The following TRAP1 variants were observed in gnomAD, a reference collection of about 807,000 sequenced individuals.
The protein encoded by TRAP1 is heat shock protein 75 kDa, mitochondrial.
Under a neutral mutation model 89.1 loss-of-function variants are expected in TRAP1, and 102 were observed. The observed-to-expected ratio is 1.15, with a 90% confidence interval of 0.98 to 1.35. The LOEUF is 1.35. TRAP1 is among the 40% of genes most tolerant of loss of function. The probability of loss-of-function intolerance (pLI) is 0.00; values close to 1 mark genes in which losing one functional copy is unlikely to be tolerated. For missense variants in TRAP1, 1,256 were observed against 945.3 expected, an observed-to-expected ratio of 1.33 and a Z score of -4.31; for synonymous variants, 508 against 388.0, an observed-to-expected ratio of 1.31 and a Z score of -3.64.
intron 11 of TRAP1, among the ~76,000 whole-genome samples, chr16:3,669,554 G>T (rs2050882344): frequency 6.6e-6 from 1 of 152,078 alleles, no homozygotes; most frequent in African/African-American, 2.4e-5. Context: ...TTCAGAACAG[G>T]CCAGGCGCGG....
At chr16:3,700,625 C>G (rs2051352869) in intron 1 of TRAP1, among the ~76,000 whole-genome samples, 1 of 151,956 alleles carries the variant, frequency 6.6e-6, no homozygotes, top group Non-Finnish European at 1.5e-5. Flanking sequence ...ATCACCACGC[C>G]AGGCTAATTT....
At chr16:3,669,780 C>G (rs1482853587) in intron 11 of TRAP1, among the ~76,000 whole-genome samples, 1 of 144,824 alleles carries the variant, frequency 6.9e-6, no homozygotes, top group Non-Finnish European at 1.5e-5. Context: ...TTGCAGTGAG[C>G]CGAGATCGTG....
chr16:3,680,681 A>G (rs570433018), intron 4 of TRAP1, among the ~76,000 whole-genome samples: 4 of 152,260 alleles, frequency 2.6e-5, no homozygotes, highest in Admixed American at 6.5e-5. Flanking sequence ...CCAAATCCAT[A>G]TATTAAGACC....
At chr16:3,662,520 C>T (rs1258467392) in intron 15 of TRAP1, 2 of 527,332 alleles carry the variant, frequency 3.8e-6, no homozygotes, top group Non-Finnish European at 7.1e-6. Flanking sequence ...TGAAGCCCAC[C>T]CAAAACCCCC....
intron 1 of TRAP1, among the ~76,000 whole-genome samples, chr16:3,712,285 C>CAA (rs764259574): frequency 0.018 from 576 of 32,076 alleles, 60 homozygotes; most frequent in East Asian, 0.026. Context: ...GAATCTGTCT[C>CAA]AAAAAAAAAA....
chr16:3,709,461 T>G (rs2051497227), intron 1 of TRAP1, among the ~76,000 whole-genome samples: 1 of 152,208 alleles, frequency 6.6e-6, no homozygotes, highest in Admixed American at 6.6e-5. Flanking sequence ...CAATGCCGTC[T>G]GTTATCTTGG....
rs560291919 is a variant in TRAP1 at position 3,665,906 on chromosome 16, C to T, written c.1383+65G>A. ...TCGCCACATCAGGGGACACCTCCACCAGCTTCCTCAGCAGCCCCAGGGACA... is the reference window on the plus strand; with the variant it reads ...TCGCCACATCAGGGGACACCTCCACTAGCTTCCTCAGCAGCCCCAGGGACA... On this transcript the variant is annotated intron_variant, in intron 12 of 17. Coordinates refer to ENST00000246957, the MANE Select transcript of TRAP1 (RefSeq NM_016292.3). 3.1e-5 allele frequency: 49 copies of T among 1,563,186 alleles called. No individual in the cohort carries two copies. In the Middle Eastern group the frequency reaches 1.3e-3, roughly 41 times the overall value.
rs1043108054 is a variant in TRAP1 at position 3,664,309 on chromosome 16, G to A, written c.1534C>T (p.Pro512Ser). 2 of 1,610,782 alleles carry A rather than the reference G, an allele frequency of 1.2e-6. No individual in the cohort carries two copies. Among genetic ancestry groups the A allele is most frequent in the Non-Finnish European group, 1.7e-6 (2 of 1,179,054 alleles). The stretch of plus-strand genomic sequence containing the variant: ...TTCTTCTTCATGGCCTCATAGTAGG[G>A]TGAGTGCTCTGCCAGGTGACGGTTG... ...APNRHLAEHS[P>S]YYEAMKKKDT... The change falls in exon 13 of 18, where the codon CCC (proline) becomes TCC (serine). Residue 512 changes from proline (P) to serine (S), a missense_variant. Transcript: ENST00000246957.
chr16:3,711,837 A>G (rs2151286056), intron 1 of TRAP1, among the ~76,000 whole-genome samples: 1 of 152,310 alleles, frequency 6.6e-6, no homozygotes, highest in South Asian at 2.1e-4. Flanking sequence ...AGTAGAAGGC[A>G]GGTCTTCAGT....
chr16:3,683,551 A>G (rs1482122192), intron 4 of TRAP1, among the ~76,000 whole-genome samples: 1 of 151,636 alleles, frequency 6.6e-6, no homozygotes, highest in African/African-American at 2.4e-5. Context: ...ACATCTGGCT[A>G]ATTTTTGTAT....
At chr16:3,709,654 TTGTG>T (rs538895435) in intron 1 of TRAP1, among the ~76,000 whole-genome samples, 1 of 151,898 alleles carries the variant, frequency 6.6e-6, no homozygotes, top group African/African-American at 2.4e-5. Context: ...TCCCTTTTTT[TTGTG>T]TGTGTGTGTG....
chr16:3,683,909 T>G (rs2051105445), intron 4 of TRAP1, among the ~76,000 whole-genome samples: 1 of 152,162 alleles, frequency 6.6e-6, no homozygotes, highest in South Asian at 2.1e-4. Context: ...CTCCCGCCTG[T>G]AATCCCAGCA....
intron 1 of TRAP1, among the ~76,000 whole-genome samples, chr16:3,691,288 C>T (rs1167710302): frequency 6.6e-6 from 1 of 152,212 alleles, no homozygotes; most frequent in Non-Finnish European, 1.5e-5. Flanking sequence ...GCGATCACAG[C>T]TCACTGCAGC....
intron 1 of TRAP1, among the ~76,000 whole-genome samples, chr16:3,694,995 G>C (rs2051267279): frequency 6.6e-6 from 1 of 152,118 alleles, no homozygotes; most frequent in South Asian, 2.1e-4. Context: ...TGCTTGGCTT[G>C]TGGGTGGTCA....
chr16:3,668,750 C>T (rs2050871320), intron 11 of TRAP1, among the ~76,000 whole-genome samples: 1 of 152,214 alleles, frequency 6.6e-6, no homozygotes. Flanking sequence ...AATGCAGCTC[C>T]CTTACTGAGC....
chr16:3,693,382 A>G (rs1334487520), intron 1 of TRAP1, among the ~76,000 whole-genome samples: 1 of 146,286 alleles, frequency 6.8e-6, no homozygotes, highest in African/African-American at 2.5e-5. Flanking sequence ...CTTTATTCGT[A>G]CAGTTAAAAA....
rs570751224 is a variant in TRAP1 at position 3,690,110 on chromosome 16, G to A, written c.247+717C>T. On this transcript the variant is annotated intron_variant, in intron 2 of 17. Coordinates refer to ENST00000246957, the MANE Select transcript of TRAP1 (RefSeq NM_016292.3). Reference sequence around the variant, plus strand: ...CAGCCTCAACTTCCTGGGCTCAACCGATTCTCCTGCCTCAGCCTCTCAAGT... The same window carrying A: ...CAGCCTCAACTTCCTGGGCTCAACCAATTCTCCTGCCTCAGCCTCTCAAGT... Among the ~76,000 whole-genome samples, 7 of 152,122 alleles carry A rather than the reference G, an allele frequency of 4.6e-5. No individual in the cohort carries two copies. The East Asian group carries it at 9.7e-4, about 21-fold the overall frequency.
rs775141873 is a variant in TRAP1, at chr16:3,664,432, C to T, written c.1411G>A (p.Glu471Lys). ...TGCCCGGAGGGCAGCGCCGAGGACT[C>T]GTAGCGCAGCAGCTTTGCTATGTCC... Reference protein sequence around the residue: ...KEDIAKLLRYESSALPSGQLT... With the variant: ...KEDIAKLLRYKSSALPSGQLT... Residue 471 changes from glutamate to lysine, a missense_variant, in exon 13 of 18, where the codon GAG becomes AAG. Glu to Lys is a moderately conservative substitution (Grantham distance 56, BLOSUM62 1). Transcript: ENST00000246957. 188 of 1,611,984 alleles carry T rather than the reference C, an allele frequency of 1.2e-4. No individual in the cohort carries two copies. The highest frequency in any genetic ancestry group is 1.4e-4 in the Non-Finnish European group (163 of 1,179,364).
chr16:3,691,206 C>G, intron 1 of TRAP1: 1 of 357,612 alleles, frequency 2.8e-6, no homozygotes. Flanking sequence ...TGTGTCTTCT[C>G]AGAACCGCAG....
Sources: allele counts gnomAD v4.1 joint callset (sites outside exome capture counted in the v4.1 genomes callset), GRCh38; gene constraint gnomAD v4.1.1; transcripts MANE v1.5; gene names NCBI Gene and HGNC (gene_info 2026-07-23, HGNC 2026-07-21).